Variants in PKD2L2 observed in about 807,000 individuals in gnomAD.
PKD2L2 encodes polycystin-2-like protein 2.
PKD2L2 carries 67 observed loss-of-function variants against 83.9 expected under a neutral mutation model. The ratio of observed to expected loss-of-function variants is 0.80; its 90% CI spans 0.66 to 0.98. The LOEUF is 0.98. Ranked by LOEUF, PKD2L2 falls within the 50% of genes least tolerant of loss-of-function variation. The pLI is 0.00. For missense variants in PKD2L2, 632 were observed against 717.2 expected (o/e 0.88, Z 1.36); for synonymous variants, 223 against 237.8 (o/e 0.94, Z 0.57).
At chr5:137,916,183 CT>C (rs1022442785) in intron 8 of PKD2L2, among the ~76,000 whole-genome samples, 8 of 148,624 alleles carry the variant, frequency 5.4e-5, no homozygotes, top group Non-Finnish European at 1.0e-4. Flanking sequence ...TTCTCCCTCA[CT>C]TTTTTTTTTG....
intron 14 of PKD2L2, chr5:137,939,996 T>C: frequency 6.3e-7 from 1 of 1,584,762 alleles, no homozygotes; most frequent in Non-Finnish European, 8.6e-7. Flanking sequence ...ATATGTTTGC[T>C]AAAGGTGGAG....
intron 5 of PKD2L2, among the ~76,000 whole-genome samples, chr5:137,900,557 A>T (rs1025902211): frequency 5.9e-5 from 9 of 152,188 alleles, no homozygotes; most frequent in Non-Finnish European, 1.5e-5. Context: ...GAAACTAAGG[A>T]CCATTGCCCT....
intron 14 of PKD2L2, chr5:137,938,615 C>T (rs1760806515): frequency 6.6e-6 from 1 of 152,390 alleles, no homozygotes; most frequent in Admixed American, 6.6e-5. Flanking sequence ...CTTTATTCCC[C>T]AACTACACAT....
rs1760398202 is a variant in PKD2L2 at position 137,936,395 on chromosome 5, G to A, written c.1860G>A (p.Lys620=). 6.5e-7 allele frequency: 1 copy of A among 1,534,588 alleles called. No individual in the cohort carries two copies. Among genetic ancestry groups the A allele is most frequent in the Non-Finnish European group, 8.7e-7 (1 of 1,145,368 alleles). Residue 620 remains lysine, a synonymous_variant, in exon 14 of 15, where the codon AAG becomes AAA. Transcript: ENST00000508883. The part of the protein sequence containing the change: ...INLKLNQVVR[K]VSAL ...TGAAGCTAAATCAAGTGGTGAGAAAGGTTTCAGCTCTATAGTATTGAGACA... is the reference window on the plus strand; with the variant it reads ...TGAAGCTAAATCAAGTGGTGAGAAAAGTTTCAGCTCTATAGTATTGAGACA...
chr5:137,914,463 C>A (rs1758143474), intron 8 of PKD2L2, among the ~76,000 whole-genome samples: 1 of 152,128 alleles, frequency 6.6e-6, no homozygotes, highest in Non-Finnish European at 1.5e-5. Context: ...GTATCCTCAA[C>A]CTGTAATGTA....
chr5:137,918,474 G>A (rs1196783712), intron 8 of PKD2L2, among the ~76,000 whole-genome samples: 1 of 152,184 alleles, frequency 6.6e-6, no homozygotes, highest in Non-Finnish European at 1.5e-5. Context: ...CCACCTCAGT[G>A]TCTGCATCCC....
chr5:137,904,058 C>G (rs753377783), intron 5 of PKD2L2, among the ~76,000 whole-genome samples: 2 of 152,112 alleles, frequency 1.3e-5, no homozygotes, highest in East Asian at 3.9e-4. Context: ...GCCCAGCCTA[C>G]GTTGTATTTA....
intron 11 of PKD2L2, among the ~76,000 whole-genome samples, chr5:137,925,354 G>A (rs1759293830): frequency 6.6e-6 from 1 of 152,082 alleles, no homozygotes; most frequent in Non-Finnish European, 1.5e-5. Context: ...AACCTATGTG[G>A]CGATTCTAAA....
Position 137,923,479 on chromosome 5 carries a change from A to G in PKD2L2, c.1509A>G (p.Ile503Met). 1 of 1,572,234 alleles carries G rather than the reference A, an allele frequency of 6.4e-7. No individual in the cohort carries two copies. The highest frequency in any genetic ancestry group is 1.7e-5 in the Admixed American group (1 of 59,920). Residue 503 changes from isoleucine (I) to methionine (M), a missense_variant, in exon 10 of 15, where the codon ATA (isoleucine) becomes ATG (methionine). By Grantham distance (10) the Ile-to-Met change is conservative. Coordinates refer to ENST00000508883, the MANE Select transcript of PKD2L2 (RefSeq NM_001300921.2). ...CTGAAGTGAAAGCTGACTATTCAAT[A>G]GGCAGAAGGCTAGATTTTGAACTTG... Reference protein sequence around the residue: ...TYSEVKADYSIGRRLDFELGK... With the variant: ...TYSEVKADYSMGRRLDFELGK...
At chr5:137,920,540 T>C (rs1561697212) in intron 8 of PKD2L2, among the ~76,000 whole-genome samples, 1 of 151,728 alleles carries the variant, frequency 6.6e-6, no homozygotes, top group African/African-American at 2.4e-5. Context: ...AGGTGGATCA[T>C]GAGGTCAGGA....
intron 12 of PKD2L2, among the ~76,000 whole-genome samples, chr5:137,930,032 G>T (rs899329807): frequency 2.0e-5 from 3 of 151,918 alleles, no homozygotes; most frequent in African/African-American, 7.3e-5. Context: ...CTTTAATAAA[G>T]ATTACTGGAT....
intron 14 of PKD2L2, 81 bp downstream of exon 14, chr5:137,936,508 T>C (rs1342367759): frequency 8.6e-7 from 1 of 1,168,810 alleles, no homozygotes; most frequent in Non-Finnish European, 1.2e-6. Context: ...CAGGCTGGAG[T>C]GCAGTGGCGT....
At chr5:137,923,597 A>C (rs1227329370) in intron 10 of PKD2L2, 76 bp downstream of exon 10, 1 of 779,404 alleles carries the variant, frequency 1.3e-6, no homozygotes, top group African/African-American at 1.7e-5. Flanking sequence ...TTTGAATACC[A>C]CTTAATTCCA....
intron 11 of PKD2L2, 63 bp from the exon 12 acceptor site, chr5:137,925,812 T>A: frequency 1.1e-6 from 1 of 933,448 alleles, no homozygotes; most frequent in Non-Finnish European, 1.7e-6. Flanking sequence ...CGATTGTACT[T>A]TATGGTGGCA....
chr5:137,898,301 A>T (rs1451046432), intron 4 of PKD2L2, among the ~76,000 whole-genome samples: 2 of 152,208 alleles, frequency 1.3e-5, no homozygotes, highest in Admixed American at 6.5e-5. Flanking sequence ...CTTTGATTTT[A>T]TGTTTCATTA....
At chr5:137,933,441 TAC>T (rs1157007559) in intron 12 of PKD2L2, among the ~76,000 whole-genome samples, 1 of 152,148 alleles carries the variant, frequency 6.6e-6, no homozygotes, top group African/African-American at 2.4e-5. Flanking sequence ...ATGTTTAAAC[TAC>T]AGTTAGCCAC....
chr5:137,941,957 G>A, intron 14 of PKD2L2: 1 of 1,613,672 alleles, frequency 6.2e-7, no homozygotes, highest in Non-Finnish European at 8.5e-7. Flanking sequence ...CCATTTTGTT[G>A]ATAAAATGCT....
chr5:137,915,463 C>G (rs1758243588), intron 8 of PKD2L2, among the ~76,000 whole-genome samples: 1 of 151,974 alleles, frequency 6.6e-6, no homozygotes, highest in African/African-American at 2.4e-5. Context: ...CACTCTGTCG[C>G]CCAGGCTGGA....
intron 8 of PKD2L2, among the ~76,000 whole-genome samples, chr5:137,920,173 A>T (rs1183443244): frequency 6.6e-6 from 1 of 152,204 alleles, no homozygotes; most frequent in East Asian, 1.9e-4. Context: ...ACTGCACTCC[A>T]GTCTGCGTGA....
Sources: gnomAD v4.1 joint callset for allele counts (sites outside exome capture counted in the v4.1 genomes callset) on GRCh38, gnomAD v4.1.1 for gene constraint, MANE v1.5 for transcripts, NCBI Gene and HGNC (gene_info 2026-07-23, HGNC 2026-07-21) for gene names.